The following SORCS3 variants were observed in gnomAD, a reference collection of about 807,000 sequenced individuals.
The protein encoded by SORCS3 is VPS10 domain-containing receptor SorCS3.
SORCS3 carries 57 observed loss-of-function variants against 146.3 expected under a neutral mutation model. That is an observed-to-expected ratio of 0.39 (90% CI 0.31 to 0.49). SORCS3 has a LOEUF of 0.49. SORCS3 is among the 20% of genes least tolerant of loss of function. The pLI, the probability that SORCS3 is intolerant of heterozygous loss-of-function variation, is 0.92. For missense variants in SORCS3, 1,341 were observed against 1,575.5 expected, an observed-to-expected ratio of 0.85 and a Z score of 2.52; for synonymous variants, 653 against 618.5, an observed-to-expected ratio of 1.06 and a Z score of -0.83.
chr10:105,057,691 C>G (rs184645058), intron 5 of SORCS3, among the ~76,000 whole-genome samples: 71 of 152,316 alleles, frequency 4.7e-4, no homozygotes, highest in African/African-American at 1.6e-3. Context: ...ATCATCCACT[C>G]TCACCCTAGC....
chr10:104,962,323 G>T (rs564316959), intron 3 of SORCS3, among the ~76,000 whole-genome samples: 90 of 152,304 alleles, frequency 5.9e-4, no homozygotes, highest in African/African-American at 2.0e-3. Context: ...GGTCAAGCCT[G>T]AAAACAGCAT....
intron 7 of SORCS3, among the ~76,000 whole-genome samples, chr10:105,130,966 A>G (rs2056014482): frequency 6.6e-6 from 1 of 152,134 alleles, no homozygotes; most frequent in Admixed American, 6.6e-5. Flanking sequence ...GTGTTGGAAA[A>G]TCAGCTCAAG....
At chr10:104,794,396 G>C (rs375694229) in intron 1 of SORCS3, among the ~76,000 whole-genome samples, 4 of 152,060 alleles carry the variant, frequency 2.6e-5, no homozygotes, top group Admixed American at 2.6e-4. Context: ...CCAAGTGGCC[G>C]CTGTGGATGG....
intron 19 of SORCS3, among the ~76,000 whole-genome samples, chr10:105,217,568 T>C (rs7077981): frequency 0.095 from 14,523 of 152,278 alleles, 799 homozygotes; most frequent in Middle Eastern, 0.19. Context: ...TAAAGAAACA[T>C]GTTTAGATAT....
intron 2 of SORCS3, among the ~76,000 whole-genome samples, chr10:104,883,343 A>G (rs762958183): frequency 6.6e-6 from 1 of 152,218 alleles, no homozygotes; most frequent in Non-Finnish European, 1.5e-5. Context: ...GAGACACATG[A>G]TTGATCTGGC....
chr10:104,699,259 C>T (rs10884033), intron 1 of SORCS3, among the ~76,000 whole-genome samples: 39,348 of 152,070 alleles, frequency 0.26, 5,261 homozygotes, highest in South Asian at 0.36. Flanking sequence ...TCATCACCAT[C>T]ATCATTATCC....
chr10:105,197,548 C>T (rs563720531), intron 14 of SORCS3, among the ~76,000 whole-genome samples: 1 of 152,252 alleles, frequency 6.6e-6, no homozygotes, highest in South Asian at 2.1e-4. Context: ...GTTATTGCCT[C>T]TTTGGTTCTA....
At chr10:104,803,424 G>T (rs2017646791) in intron 1 of SORCS3, among the ~76,000 whole-genome samples, 1 of 152,136 alleles carries the variant, frequency 6.6e-6, no homozygotes. Flanking sequence ...TGCCTGTAGG[G>T]GAATGGAGAG....
chr10:104,854,966 G>A (rs903892104), intron 2 of SORCS3, among the ~76,000 whole-genome samples: 3 of 152,118 alleles, frequency 2.0e-5, no homozygotes, highest in African/African-American at 7.2e-5. Flanking sequence ...ACCTGTTGAA[G>A]GGCATTTGGG....
At chr10:104,881,910 T>C (rs538270891) in intron 2 of SORCS3, among the ~76,000 whole-genome samples, 2 of 152,276 alleles carry the variant, frequency 1.3e-5, no homozygotes, top group South Asian at 2.1e-4. Flanking sequence ...TTCACACAGT[T>C]TTCATGTGGA....
At chr10:104,930,039 A>G (rs968043824) in intron 3 of SORCS3, among the ~76,000 whole-genome samples, 2 of 143,928 alleles carry the variant, frequency 1.4e-5, no homozygotes, top group African/African-American at 2.8e-5. Context: ...AGGAAGTTCC[A>G]TAAATGTCCA....
intron 4 of SORCS3, among the ~76,000 whole-genome samples, chr10:105,009,751 A>AT (rs562440239): frequency 2.0e-5 from 3 of 147,830 alleles, no homozygotes; most frequent in Admixed American, 6.7e-5. Flanking sequence ...TTTTTTTTTC[A>AT]TTTTTTTCAA....
chr10:104,849,575 C>T (rs1278551177), intron 2 of SORCS3, among the ~76,000 whole-genome samples: 2 of 152,144 alleles, frequency 1.3e-5, no homozygotes, highest in Admixed American at 6.5e-5. Context: ...CTATTGCTTA[C>T]TAGCTATAAC....
intron 3 of SORCS3, among the ~76,000 whole-genome samples, chr10:104,975,113 T>G (rs1369039887): frequency 6.6e-6 from 1 of 152,092 alleles, no homozygotes; most frequent in African/African-American, 2.4e-5. Flanking sequence ...AAAGAGGAAG[T>G]CAAATTGTCC....
At chr10:105,011,966 G>A (rs779652277) in intron 4 of SORCS3, among the ~76,000 whole-genome samples, 1 of 152,142 alleles carries the variant, frequency 6.6e-6, no homozygotes, top group South Asian at 2.1e-4. Flanking sequence ...GGAAAATAAA[G>A]CAAGAAAGGA....
chr10:104,729,500 G>T (rs1242991889), intron 1 of SORCS3, among the ~76,000 whole-genome samples: 1 of 152,188 alleles, frequency 6.6e-6, no homozygotes, highest in African/African-American at 2.4e-5. Flanking sequence ...GAGACACAAT[G>T]GATATGTTGG....
chr10:104,782,691 A>G (rs1352959773), intron 1 of SORCS3, among the ~76,000 whole-genome samples: 4 of 152,202 alleles, frequency 2.6e-5, no homozygotes, highest in African/African-American at 7.2e-5. Context: ...AGAGTCAGGC[A>G]TGAGCTCATT....
At chr10:104,928,953 A>T (rs2019178658) in intron 3 of SORCS3, among the ~76,000 whole-genome samples, 1 of 152,214 alleles carries the variant, frequency 6.6e-6, no homozygotes, top group African/African-American at 2.4e-5. Flanking sequence ...GAGGAAACAA[A>T]TGAATCAGAG....
chr10:104,709,660 C>A (rs2016389307), intron 1 of SORCS3, among the ~76,000 whole-genome samples: 1 of 152,140 alleles, frequency 6.6e-6, no homozygotes, highest in South Asian at 2.1e-4. Context: ...TACAAGGTCA[C>A]AACAGCTAGT....
Sources: allele counts gnomAD v4.1 joint callset (sites outside exome capture counted in the v4.1 genomes callset), GRCh38; gene constraint gnomAD v4.1.1; transcripts MANE v1.5; gene names NCBI Gene and HGNC (gene_info 2026-07-23, HGNC 2026-07-21).